Variants in CDH11 observed in about 807,000 individuals in gnomAD.
The protein encoded by CDH11 is cadherin 11.
In CDH11, 11 loss-of-function variants were observed where a neutral mutation model predicts 67.8. That is an observed-to-expected ratio of 0.16 (90% CI 0.10 to 0.27). The LOEUF (loss-of-function observed/expected upper bound fraction) is 0.27, where lower values mean the gene tolerates loss of function less well. Ranked by LOEUF, CDH11 falls within the 10% of genes least tolerant of loss-of-function variation. CDH11 has a pLI of 1.00. For missense variants in CDH11, 847 were observed against 1,031.2 expected, an observed-to-expected ratio of 0.82 and a Z score of 2.45; for synonymous variants, 419 against 400.0, an observed-to-expected ratio of 1.05 and a Z score of -0.57.
At chr16:65,117,214 C>T (rs1195411387) in intron 1 of CDH11, among the ~76,000 whole-genome samples, 1 of 152,196 alleles carries the variant, frequency 6.6e-6, no homozygotes, top group African/African-American at 2.4e-5. Flanking sequence ...CAACTGTCTA[C>T]GCATTCCAAC....
rs77459590 is a variant in CDH11 at position 65,044,965 on chromosome 16, C to T, written c.-173+8839G>A. 6.6e-3 allele frequency among the ~76,000 whole-genome samples: 997 copies of T among 152,120 alleles called. 12 individuals carry two copies. Among genetic ancestry groups the T allele is most frequent in the African/African-American group, 0.022 (925 of 41,516 alleles). ...GACATGCTTTCATGAGCCTGAGCTCCAGCCTCCCTGGTGGGGGCTTGTGTG... is the reference window on the plus strand; with the variant it reads ...GACATGCTTTCATGAGCCTGAGCTCTAGCCTCCCTGGTGGGGGCTTGTGTG... On this transcript the variant is annotated intron_variant, in intron 2 of 12. Coordinates refer to ENST00000268603, the MANE Select transcript of CDH11 (RefSeq NM_001797.4).
intron 1 of CDH11, among the ~76,000 whole-genome samples, chr16:65,094,188 A>G (rs1418375475): frequency 2.6e-5 from 4 of 152,248 alleles, no homozygotes; most frequent in Non-Finnish European, 2.9e-5. Context: ...GGTTGTTAAG[A>G]TGGAGCAAAG....
chr16:65,017,573 A>T (rs1342518835), intron 2 of CDH11, among the ~76,000 whole-genome samples: 1 of 152,208 alleles, frequency 6.6e-6, no homozygotes, highest in Non-Finnish European at 1.5e-5. Flanking sequence ...CACAATGAGG[A>T]CGACAGCAGT....
intron 1 of CDH11, among the ~76,000 whole-genome samples, chr16:65,102,999 C>A (rs1412219673): frequency 6.6e-6 from 1 of 152,222 alleles, no homozygotes; most frequent in African/African-American, 2.4e-5. Flanking sequence ...CTGGAGCCAG[C>A]CCGTCTCTCT....
At chr16:65,087,471 A>G (rs1273906746) in intron 1 of CDH11, among the ~76,000 whole-genome samples, 2 of 152,322 alleles carry the variant, frequency 1.3e-5, no homozygotes, top group East Asian at 3.9e-4. Context: ...TCTAATGCAA[A>G]TCATACATCA....
intron 1 of CDH11, among the ~76,000 whole-genome samples, chr16:65,109,530 G>A (rs1352487596): frequency 6.6e-6 from 1 of 152,176 alleles, no homozygotes; most frequent in African/African-American, 2.4e-5. Context: ...AGTTAAGAAG[G>A]TGTGCAGACT....
At chr16:65,042,903 G>A (rs2073890770) in intron 2 of CDH11, among the ~76,000 whole-genome samples, 1 of 152,096 alleles carries the variant, frequency 6.6e-6, no homozygotes, top group Admixed American at 6.5e-5. Context: ...TTCACTCTGG[G>A]TCCTTCTCTA....
chr16:65,108,367 G>A (rs17432731), intron 1 of CDH11, among the ~76,000 whole-genome samples: 19,525 of 152,228 alleles, frequency 0.13, 1,392 homozygotes, highest in East Asian at 0.22. Flanking sequence ...TGGAAGGCAA[G>A]CGTCCCCAGC....
At chr16:65,118,933 T>A (rs1037537876) in intron 1 of CDH11, 2 of 152,232 alleles carry the variant, frequency 1.3e-5, no homozygotes, top group African/African-American at 4.8e-5. Context: ...GATTTGAAGA[T>A]CTTGTTTAGA....
intron 12 of CDH11, among the ~76,000 whole-genome samples, 196 bp from the exon 13 acceptor site, chr16:64,948,295 G>A (rs544580508): frequency 6.6e-6 from 1 of 152,252 alleles, no homozygotes; most frequent in South Asian, 2.1e-4. Context: ...CTCTACAAAT[G>A]CTGCCATGAA....
At chr16:64,995,765 A>G (rs1364913105) in intron 4 of CDH11, among the ~76,000 whole-genome samples, 1 of 152,204 alleles carries the variant, frequency 6.6e-6, no homozygotes, top group East Asian at 1.9e-4. Context: ...TACACTAAAG[A>G]GCTTCTGCAC....
rs1284581314 is a variant in CDH11, at chr16:64,971,688, A to G, written c.1533T>C (p.Val511=). Residue 511 remains valine (V), a synonymous_variant, in exon 11 of 13, where the codon GTT becomes GTC. Coordinates refer to ENST00000268603, the MANE Select transcript of CDH11 (RefSeq NM_001797.4). The part of the protein sequence containing the change: ...QTKPLSNQPI[V]TISADDKDDT... ...CATCCTTGTCATCTGCACTAATTGT[A>G]ACAATTGGCTGAAAGAGAAAGGTGG... is the stretch of plus-strand genomic sequence containing the variant. 1.9e-6 allele frequency: 3 copies of G among 1,606,468 alleles called. No homozygotes were observed. Among genetic ancestry groups the G allele is most frequent in the Non-Finnish European group, 2.6e-6 (3 of 1,173,598 alleles).
intron 1 of CDH11, among the ~76,000 whole-genome samples, chr16:65,061,511 T>A (rs1488034400): frequency 2.0e-5 from 3 of 152,216 alleles, no homozygotes; most frequent in Admixed American, 2.0e-4. Flanking sequence ...TTTAAATATT[T>A]AAAATCAGTA....
At chr16:65,019,983 T>C (rs1196488355) in intron 2 of CDH11, among the ~76,000 whole-genome samples, 1 of 152,204 alleles carries the variant, frequency 6.6e-6, no homozygotes, top group Non-Finnish European at 1.5e-5. Flanking sequence ...TGTAAAACTC[T>C]TCCTTCAGTA....
chr16:64,958,084 C>T (rs756189452), intron 11 of CDH11, among the ~76,000 whole-genome samples: 2 of 152,210 alleles, frequency 1.3e-5, no homozygotes, highest in African/African-American at 2.4e-5. Flanking sequence ...CACAGCCCAT[C>T]GTGACTGAAT....
At chr16:64,977,609 T>C (rs2072208929) in intron 8 of CDH11, among the ~76,000 whole-genome samples, 1 of 152,208 alleles carries the variant, frequency 6.6e-6, no homozygotes, top group South Asian at 2.1e-4. Flanking sequence ...ACAAAGAGAA[T>C]ATAGTAATCA....
At chr16:65,053,697 T>G (rs1176448099) in intron 2 of CDH11, 107 bp downstream of exon 2, 7 of 412,242 alleles carry the variant, frequency 1.7e-5, no homozygotes, top group Non-Finnish European at 3.5e-5. Flanking sequence ...TTGGCTTTAG[T>G]GAAGGTCCAA....
chr16:65,101,598 A>G (rs563007615), intron 1 of CDH11, among the ~76,000 whole-genome samples: 1 of 151,798 alleles, frequency 6.6e-6, no homozygotes, highest in Admixed American at 6.6e-5. Flanking sequence ...AGGCCCCCCT[A>G]TTATGGTAAA....
At chr16:65,037,637 C>A (rs969420663) in intron 2 of CDH11, among the ~76,000 whole-genome samples, 6 of 152,202 alleles carry the variant, frequency 3.9e-5, no homozygotes, top group South Asian at 2.1e-4. Context: ...GCTAGAGTAA[C>A]CCCCATCAAA....
Sources: allele counts gnomAD v4.1 joint callset (sites outside exome capture counted in the v4.1 genomes callset), GRCh38; gene constraint gnomAD v4.1.1; transcripts MANE v1.5; gene names NCBI Gene and HGNC (gene_info 2026-07-23, HGNC 2026-07-21).